The following SLC13A1 variants were observed in gnomAD, a reference collection of about 807,000 sequenced individuals.
The protein encoded by SLC13A1 is solute carrier family 13 member 1.
In SLC13A1, 65 loss-of-function variants were observed where a neutral mutation model predicts 70.0. The ratio of observed to expected loss-of-function variants is 0.93; its 90% CI spans 0.76 to 1.14. The LOEUF (loss-of-function observed/expected upper bound fraction) is 1.14, where lower values mean the gene tolerates loss of function less well. SLC13A1 is among the 50% of genes most tolerant of loss of function. SLC13A1 has a pLI of 0.00. For missense variants in SLC13A1, 726 were observed against 717.8 expected (o/e 1.01, Z -0.13); for synonymous variants, 275 against 250.5 (o/e 1.10, Z -0.92).
In SLC13A1 at chr7:123,186,980, A is replaced by G. The variant is rs142497015; in HGVS notation, c.100-5879T>C. Among the ~76,000 whole-genome samples, 1,055 of 148,934 alleles carry G rather than the reference A, an allele frequency of 7.1e-3. 14 individuals are homozygous for G. Among genetic ancestry groups the G allele is most frequent in the Middle Eastern group, 0.021 (6 of 284 alleles). On this transcript the variant is annotated intron_variant, in intron 1 of 14. Transcript: ENST00000194130. ...AAAATAAAGAAAGAGAAAAGAGGGG[A>G]AAAAAAAAAGTCCAGAGGACTTCCT... is the stretch of plus-strand genomic sequence containing the variant.
At chr7:123,180,083 G>A (rs539578629) in intron 2 of SLC13A1, among the ~76,000 whole-genome samples, 6 of 152,056 alleles carry the variant, frequency 3.9e-5, no homozygotes, top group South Asian at 2.1e-4. Flanking sequence ...GAAAAGACTC[G>A]AAGTTAGGTG....
intron 6 of SLC13A1, 115 bp downstream of exon 6, chr7:123,168,259 C>A (rs2222511): frequency 0.28 from 190,718 of 676,574 alleles, 27,531 homozygotes; most frequent in East Asian, 0.36. Context: ...CTTAGTCAAG[C>A]AAAATAATTT....
chr7:123,167,550 A>G (rs1239333658), intron 6 of SLC13A1, among the ~76,000 whole-genome samples: 1 of 152,146 alleles, frequency 6.6e-6, no homozygotes, highest in Non-Finnish European at 1.5e-5. Flanking sequence ...TCCTAATGCC[A>G]TAGTTACTAT....
At chr7:123,189,789 A>T (rs1795937927) in intron 1 of SLC13A1, among the ~76,000 whole-genome samples, 1 of 151,716 alleles carries the variant, frequency 6.6e-6, no homozygotes, top group African/African-American at 2.4e-5. Context: ...CCTTTTGGAG[A>T]TTTTTTTCTT....
intron 6 of SLC13A1, among the ~76,000 whole-genome samples, chr7:123,157,837 G>T (rs1794763215): frequency 1.3e-5 from 2 of 152,042 alleles, no homozygotes; most frequent in African/African-American, 4.8e-5. Flanking sequence ...AAAAGATATT[G>T]CTCCAGGCCA....
At chr7:123,128,318 G>C (rs1793633293) in intron 10 of SLC13A1, among the ~76,000 whole-genome samples, 1 of 152,094 alleles carries the variant, frequency 6.6e-6, no homozygotes, top group South Asian at 2.1e-4. Flanking sequence ...AGATTATTAA[G>C]AGGCATTGAG....
chr7:123,182,750 G>A (rs1795680300), intron 1 of SLC13A1, among the ~76,000 whole-genome samples: 1 of 151,994 alleles, frequency 6.6e-6, no homozygotes, highest in East Asian at 1.9e-4. Context: ...CCACTAAGAT[G>A]GCACAACTTT....
intron 6 of SLC13A1, among the ~76,000 whole-genome samples, chr7:123,162,744 T>C (rs1313927681): frequency 6.6e-6 from 1 of 152,114 alleles, no homozygotes; most frequent in African/African-American, 2.4e-5. Flanking sequence ...TGTTTATTAC[T>C]GTACTTACAA....
At chr7:123,177,298 T>C (rs1209136426) in intron 2 of SLC13A1, among the ~76,000 whole-genome samples, 2 of 152,162 alleles carry the variant, frequency 1.3e-5, no homozygotes, top group Non-Finnish European at 2.9e-5. Context: ...CAGCAATACA[T>C]TCAATATCTC....
intron 7 of SLC13A1, among the ~76,000 whole-genome samples, chr7:123,137,272 G>T (rs1793984248): frequency 1.3e-5 from 2 of 152,112 alleles, no homozygotes; most frequent in Admixed American, 6.6e-5. Flanking sequence ...TACATGCCTT[G>T]TACGATCTCC....
intron 6 of SLC13A1, among the ~76,000 whole-genome samples, chr7:123,163,415 G>A (rs1209899118): frequency 2.0e-5 from 3 of 152,046 alleles, no homozygotes; most frequent in Non-Finnish European, 4.4e-5. Flanking sequence ...CTTCATAAAA[G>A]TTAAGTCATG....
chr7:123,199,838 G>T lies in SLC13A1; in HGVS notation c.99+10C>A. On this transcript the variant is annotated intron_variant, in intron 1 of 14. Coordinates refer to ENST00000194130, the MANE Select transcript of SLC13A1 (RefSeq NM_022444.4). ...GGAAATCCACCAGTCTGTTCTCCAGGTTCACTCACCTTGGTGTGGAGGACG... is the reference window on the plus strand; with the variant it reads ...GGAAATCCACCAGTCTGTTCTCCAGTTTCACTCACCTTGGTGTGGAGGACG... 1.3e-6 allele frequency: 2 copies of T among 1,589,882 alleles called. No homozygotes were observed. The highest frequency in any genetic ancestry group is 2.2e-5 in the East Asian group (1 of 44,700).
chr7:123,119,881 G>A (rs370036444), intron 12 of SLC13A1, among the ~76,000 whole-genome samples: 181 of 151,826 alleles, frequency 1.2e-3, no homozygotes, highest in African/African-American at 4.0e-3. Flanking sequence ...AATAAATATT[G>A]TTCATAGCTA....
chr7:123,122,464 T>A (rs190590957), intron 12 of SLC13A1, among the ~76,000 whole-genome samples: 1 of 152,114 alleles, frequency 6.6e-6, no homozygotes, highest in Admixed American at 6.6e-5. Flanking sequence ...TTCCAACAAC[T>A]CTACAAAGAC....
At chr7:123,188,658 A>G (rs1180377423) in intron 1 of SLC13A1, among the ~76,000 whole-genome samples, 1 of 151,614 alleles carries the variant, frequency 6.6e-6, no homozygotes, top group Non-Finnish European at 1.5e-5. Context: ...TTAGATTCTT[A>G]ATATTATTTC....
intron 7 of SLC13A1, among the ~76,000 whole-genome samples, chr7:123,143,596 G>A (rs1294705128): frequency 6.6e-6 from 1 of 152,114 alleles, no homozygotes; most frequent in East Asian, 1.9e-4. Flanking sequence ...CCACTGCCAG[G>A]GAATGAGGGA....
intron 7 of SLC13A1, among the ~76,000 whole-genome samples, chr7:123,141,290 A>G (rs1794130767): frequency 6.6e-6 from 1 of 152,040 alleles, no homozygotes; most frequent in South Asian, 2.1e-4. Context: ...ATATTATTTC[A>G]ATTTTTTGAA....
chr7:123,139,968 G>A (rs1794075807), intron 7 of SLC13A1, among the ~76,000 whole-genome samples: 2 of 152,124 alleles, frequency 1.3e-5, no homozygotes, highest in South Asian at 2.1e-4. Flanking sequence ...AGTGTTGAAA[G>A]TGGGCATCAT....
At chr7:123,153,203 T>C (rs1306764289) in intron 6 of SLC13A1, among the ~76,000 whole-genome samples, 1 of 152,122 alleles carries the variant, frequency 6.6e-6, no homozygotes, top group Non-Finnish European at 1.5e-5. Flanking sequence ...TTTGCCATGC[T>C]TTATGCCTTA....
Sources: allele counts gnomAD v4.1 joint callset (sites outside exome capture counted in the v4.1 genomes callset), GRCh38; gene constraint gnomAD v4.1.1; transcripts MANE v1.5; gene names NCBI Gene and HGNC (gene_info 2026-07-23, HGNC 2026-07-21).